NPNT: variants seen among roughly 807,000 people sequenced by gnomAD.
NPNT encodes the protein preosteoblast EGF-like repeat protein with MAM domain.
A neutral mutation model predicts 68.6 loss-of-function variants in NPNT; 45 were observed. The ratio of observed to expected loss-of-function variants is 0.66; its 90% CI spans 0.52 to 0.84. The LOEUF is 0.84. NPNT is among the 40% of genes least tolerant of loss of function. The pLI, the probability that NPNT is intolerant of heterozygous loss-of-function variation, is 0.00. For synonymous variants in NPNT, 233 were observed against 253.3 expected, an observed-to-expected ratio of 0.92 and a Z score of 0.76; for missense variants, 672 against 714.8, an observed-to-expected ratio of 0.94 and a Z score of 0.68.
rs77320333 is a variant in NPNT, at chr4:105,947,956, G to A, written c.1159+5254G>A. On this transcript the variant is annotated intron_variant, in intron 8 of 11. Transcript: ENST00000379987. The stretch of plus-strand genomic sequence containing the variant: ...TGTTTTTTCCTCAAATGGCCACATA[G>A]TGGGCAGTCAAAAATATTTGTTGAA... Among the ~76,000 whole-genome samples, 1,325 of 152,232 alleles carry A rather than the reference G, an allele frequency of 8.7e-3. 10 individuals are homozygous for A. Among genetic ancestry groups the A allele is most frequent in the Non-Finnish European group, 0.014 (980 of 68,018 alleles).
chr4:105,946,694 C>A (rs1011600509), intron 8 of NPNT, among the ~76,000 whole-genome samples: 4 of 151,864 alleles, frequency 2.6e-5, no homozygotes, highest in African/African-American at 9.7e-5. Context: ...CTTCAAAGGG[C>A]AAAAAGGAGA....
intron 2 of NPNT, among the ~76,000 whole-genome samples, chr4:105,923,039 G>A (rs553107504): frequency 6.6e-6 from 1 of 152,270 alleles, no homozygotes; most frequent in Admixed American, 6.5e-5. Context: ...CAGGCACGTT[G>A]TTTACTCCAA....
At chr4:105,942,105 C>CTGTG (rs143566124) in intron 7 of NPNT, among the ~76,000 whole-genome samples, 1 of 147,160 alleles carries the variant, frequency 6.8e-6, no homozygotes, top group African/African-American at 2.5e-5. Flanking sequence ...ATGTGTGTGT[C>CTGTG]TGTGTGTGTG....
intron 2 of NPNT, among the ~76,000 whole-genome samples, chr4:105,913,846 G>A (rs1186227051): frequency 6.6e-6 from 1 of 152,102 alleles, no homozygotes; most frequent in Non-Finnish European, 1.5e-5. Flanking sequence ...ACCTCCGAGT[G>A]GAACAGTTTT....
rs1560881936 is a variant in NPNT, at chr4:105,898,359, TC to T, written c.172+359del. On this transcript the variant is annotated intron_variant, in intron 2 of 11. Transcript: ENST00000379987. The stretch of plus-strand genomic sequence containing the variant: ...CTCTCTCTCTCTCTCTCTCTCTCTC[TC>T]TCTCTCTCTCTCTCTCTCTCGCTGA... Among the ~76,000 whole-genome samples, 513 of 148,152 alleles carry T rather than the reference TC, an allele frequency of 3.5e-3. 10 individuals are homozygous for T. The highest frequency in any genetic ancestry group is 0.012 in the African/African-American group (468 of 39,096).
chr4:105,898,388 C>T (rs969035857), intron 2 of NPNT, among the ~76,000 whole-genome samples: 6 of 145,582 alleles, frequency 4.1e-5, no homozygotes, highest in Admixed American at 2.8e-4. Flanking sequence ...CTCGCTGACT[C>T]GCTTGCTCCA....
At chr4:105,931,217 A>G (rs1241863795) in intron 3 of NPNT, among the ~76,000 whole-genome samples, 4 of 152,192 alleles carry the variant, frequency 2.6e-5, no homozygotes, top group Non-Finnish European at 4.4e-5. Context: ...CCATTGGGGA[A>G]TGATTTTTAG....
intron 2 of NPNT, among the ~76,000 whole-genome samples, chr4:105,908,798 C>T (rs1241260634): frequency 2.6e-5 from 4 of 152,210 alleles, no homozygotes; most frequent in South Asian, 2.1e-4. Flanking sequence ...CTCCTGACCT[C>T]GTGATCTGCC....
intron 2 of NPNT, among the ~76,000 whole-genome samples, chr4:105,905,614 T>C (rs1257516971): frequency 1.3e-5 from 2 of 152,242 alleles, no homozygotes; most frequent in African/African-American, 2.4e-5. Context: ...GGCTATACAG[T>C]ATGCCATTAC....
intron 10 of NPNT, among the ~76,000 whole-genome samples, chr4:105,966,892 A>G (rs1480157851): frequency 6.6e-6 from 1 of 152,110 alleles, no homozygotes; most frequent in African/African-American, 2.4e-5. Context: ...ATGTTGTTGT[A>G]TGCCTATATG....
At chr4:105,900,834 G>GTTTTTTTTTTTTTTTT (rs765343668) in intron 2 of NPNT, among the ~76,000 whole-genome samples, 75 of 96,558 alleles carry the variant, frequency 7.8e-4, no homozygotes, top group African/African-American at 1.3e-3. Context: ...ACCCTTGGTT[G>GTTTTTTTTTTTTTTTT]TTTTTTTTTT....
chr4:105,957,158 C>T (rs765992172), intron 8 of NPNT, among the ~76,000 whole-genome samples: 5 of 152,140 alleles, frequency 3.3e-5, no homozygotes, highest in Non-Finnish European at 5.9e-5. Context: ...AAGAATTCCC[C>T]TCACCACCAT....
intron 1 of NPNT, among the ~76,000 whole-genome samples, chr4:105,896,270 G>A (rs1281625939): frequency 6.6e-6 from 1 of 152,176 alleles, no homozygotes; most frequent in African/African-American, 2.4e-5. Context: ...GACTCAAAAT[G>A]AGGACCGGAG....
rs190007854 is a variant in NPNT, at chr4:105,906,343, C to A, written c.172+8342C>A. 2.0e-5 allele frequency among the ~76,000 whole-genome samples: 3 copies of A among 152,186 alleles called. No homozygotes were observed. The East Asian group carries it at 5.8e-4, about 29-fold the overall frequency. ...GAGTGAATGATGGGATGGAAGGGGC[C>A]ACAGCAACATTCCTATCATGAAGCC... On this transcript the variant is annotated intron_variant, in intron 2 of 11. Coordinates refer to ENST00000379987, the MANE Select transcript of NPNT (RefSeq NM_001033047.3).
chr4:105,942,136 T>TACACACACAGAC lies in NPNT; in HGVS notation c.764-164_764-163insCAGACACACACA, dbSNP rs1553982748. On this transcript the variant is annotated intron_variant, in intron 7 of 11. Transcript: ENST00000379987. The stretch of plus-strand genomic sequence containing the variant: ...GTGTGTATATATATATATATATATA[T>TACACACACAGAC]ACACACATATATATTTGTTATTTGG... Among the ~76,000 whole-genome samples the TACACACACAGAC allele has an allele frequency of 2.0e-5, 3 of 147,784 alleles. No homozygotes were observed. In the East Asian group the frequency reaches 5.9e-4, roughly 29 times the overall value.
intron 2 of NPNT, among the ~76,000 whole-genome samples, chr4:105,917,342 C>G (rs1356041375): frequency 6.6e-5 from 10 of 152,168 alleles, no homozygotes. Context: ...TAAAATTCAG[C>G]TCACATTTCC....
intron 8 of NPNT, among the ~76,000 whole-genome samples, chr4:105,952,934 G>A (rs1031029606): frequency 1.1e-4 from 17 of 152,160 alleles, no homozygotes; most frequent in African/African-American, 4.1e-4. Context: ...AGGGGAGGCC[G>A]AGGCAGGTGG....
chr4:105,967,554 G>A, intron 11 of NPNT, 110 bp downstream of exon 11: 3 of 1,187,602 alleles, frequency 2.5e-6, no homozygotes, highest in Non-Finnish European at 2.3e-6. Flanking sequence ...CTCAGATAAA[G>A]GTTTGGGTTT....
intron 2 of NPNT, among the ~76,000 whole-genome samples, chr4:105,914,817 G>A (rs550094819): frequency 3.9e-5 from 6 of 152,146 alleles, no homozygotes; most frequent in East Asian, 1.9e-4. Context: ...AGCACATTCC[G>A]AGAACTGTTA....
Sources: allele counts gnomAD v4.1 joint callset (sites outside exome capture counted in the v4.1 genomes callset), GRCh38; gene constraint gnomAD v4.1.1; transcripts MANE v1.5; gene names NCBI Gene and HGNC (gene_info 2026-07-23, HGNC 2026-07-21).